KLHL24: variants seen among roughly 807,000 people sequenced by gnomAD.
KLHL24 encodes the protein kelch-like protein 24.
In KLHL24, 29 loss-of-function variants were observed where a neutral mutation model predicts 53.4. The observed-to-expected ratio is 0.54, with a 90% CI of 0.40 to 0.74. The LOEUF is 0.74. Among genes scored for constraint, KLHL24 ranks in the 30% least tolerant of loss-of-function variants. KLHL24 has a pLI of 0.00. For missense variants in KLHL24, 504 were observed against 744.0 expected (o/e 0.68, Z 3.75); for synonymous variants, 222 against 253.7 (o/e 0.88, Z 1.19).
At chr3:183,675,025 A>G (rs1165145191) in intron 7 of KLHL24, among the ~76,000 whole-genome samples, 2 of 152,160 alleles carry the variant, frequency 1.3e-5, no homozygotes, top group African/African-American at 4.8e-5. Flanking sequence ...CTCTTATGGC[A>G]ATTGTATATT....
At chr3:183,648,630 T>A (rs1717669517) in intron 2 of KLHL24, among the ~76,000 whole-genome samples, 1 of 152,122 alleles carries the variant, frequency 6.6e-6, no homozygotes, top group African/African-American at 2.4e-5. Context: ...CTTAAACCAA[T>A]TACTAATACA....
In KLHL24 at chr3:183,682,018, C is replaced by A. The variant is rs2108914704; in HGVS notation, c.*2732C>A. On this transcript the variant is annotated 3_prime_UTR_variant, in exon 8 of 8. Transcript: ENST00000242810. ...AGCACATAAAGTAAAAATTAGTTGA[C>A]CATGCTAAATTCAATTCTGGAATTT... The A allele has an allele frequency of 6.6e-6, 1 of 152,482 alleles. No homozygotes were observed. The highest frequency in any genetic ancestry group is 2.1e-4 in the South Asian group (1 of 4,826). 9.4% of individuals were successfully genotyped at this position (152,482 alleles called of 1,614,324 possible).
In KLHL24 at chr3:183,664,903, A is replaced by G. The variant is rs747903496; in HGVS notation, c.1106-18A>G. On this transcript the variant is annotated intron_variant, in intron 4 of 7. Coordinates refer to ENST00000242810, the MANE Select transcript of KLHL24 (RefSeq NM_017644.3). The stretch of plus-strand genomic sequence containing the variant: ...TATCATGATAAATTATCGTGTGTGC[A>G]TTGTTTTGCATTTCAAGGTGGAAGA... The G allele has an allele frequency of 7.0e-6, 10 of 1,435,270 alleles. No homozygotes were observed. Among genetic ancestry groups the G allele is most frequent in the Middle Eastern group, 1.7e-4 (1 of 5,726 alleles). The allele number at this position is 1,435,270 out of a possible 1,614,324, so 88.9% of individuals were successfully genotyped here. A position where few individuals can be genotyped will look rare whatever the true frequency, so the allele number is the denominator to read the frequency against.
chr3:183,661,355 A>T (rs1470053952), intron 3 of KLHL24, among the ~76,000 whole-genome samples: 8 of 152,140 alleles, frequency 5.3e-5, no homozygotes, highest in Non-Finnish European at 7.4e-5. Flanking sequence ...CTTTCCTGCC[A>T]TTTTGTTTTA....
At chr3:183,668,240 A>C (rs1362539967) in intron 5 of KLHL24, among the ~76,000 whole-genome samples, 1 of 152,056 alleles carries the variant, frequency 6.6e-6, no homozygotes, top group East Asian at 1.9e-4. Context: ...AGAGGGGCTA[A>C]AATAATCCAG....
In KLHL24 at chr3:183,683,760, G is replaced by C. The variant is rs1364245065; in HGVS notation, c.*4474G>C. 1 of 152,494 alleles carries C rather than the reference G, an allele frequency of 6.6e-6. No individual in the cohort carries two copies. Among genetic ancestry groups the C allele is most frequent in the Non-Finnish European group, 1.5e-5 (1 of 67,986 alleles). 9.4% of individuals were successfully genotyped at this position (152,494 alleles called of 1,614,324 possible). A position where few individuals can be genotyped will look rare whatever the true frequency, so the allele number is the denominator to read the frequency against. On this transcript the variant is annotated 3_prime_UTR_variant, in exon 8 of 8. Transcript: ENST00000242810. The stretch of plus-strand genomic sequence containing the variant: ...TTTCAAAATAACTGCACCTGAATTT[G>C]TTTATGTGCCTTAAGTTCTCTAGTG...
intron 3 of KLHL24, among the ~76,000 whole-genome samples, chr3:183,662,756 C>CA (rs1200199688): frequency 6.6e-6 from 1 of 152,120 alleles, no homozygotes; most frequent in Non-Finnish European, 1.5e-5. Flanking sequence ...TGGGGGGAGC[C>CA]AAACAATTCA....
rs1333843549 is a variant in KLHL24, at chr3:183,635,660, C to G, written c.-258C>G. The G allele has an allele frequency of 6.5e-6, 1 of 152,752 alleles. No individual in the cohort carries two copies. 9.5% of individuals were successfully genotyped at this position (152,752 alleles called of 1,614,324 possible). On this transcript the variant is annotated 5_prime_UTR_variant, in exon 1 of 8. Transcript: ENST00000242810. ...GGCAGAGACTGGTGGCTGGAGGAGA[C>G]GCCGGCGCTGGAGAGTGCGCTGCGC... is the stretch of plus-strand genomic sequence containing the variant.
chr3:183,640,849 C>G (rs1311815712), intron 1 of KLHL24, among the ~76,000 whole-genome samples: 1 of 152,062 alleles, frequency 6.6e-6, no homozygotes, highest in Non-Finnish European at 1.5e-5. Flanking sequence ...ATCCGCCTGC[C>G]TCAGCCTCTC....
At chr3:183,653,786 G>T (rs1718471806) in intron 3 of KLHL24, among the ~76,000 whole-genome samples, 2 of 139,704 alleles carry the variant, frequency 1.4e-5, no homozygotes, top group Admixed American at 7.1e-5. Context: ...GCCTTTGCCT[G>T]GTTTTGCAGA....
At chr3:183,671,366 T>A (rs1353354800) in intron 6 of KLHL24, 144 bp downstream of exon 6, 4 of 598,156 alleles carry the variant, frequency 6.7e-6, no homozygotes, top group Non-Finnish European at 8.4e-6. Flanking sequence ...GAGAAAAACA[T>A]TGAATTCTGG....
At chr3:183,669,706 A>G (rs13084291) in intron 5 of KLHL24, among the ~76,000 whole-genome samples, 50,847 of 152,058 alleles carry the variant, frequency 0.33, 9,365 homozygotes, top group African/African-American at 0.49. Flanking sequence ...TTAGACATTC[A>G]TTGTTGAAAT....
chr3:183,678,485 C>T (rs936364940), intron 7 of KLHL24, among the ~76,000 whole-genome samples: 4 of 152,026 alleles, frequency 2.6e-5, no homozygotes, highest in African/African-American at 9.7e-5. Flanking sequence ...CTACCTCCCA[C>T]ATCTTGGCCC....
intron 5 of KLHL24, among the ~76,000 whole-genome samples, chr3:183,667,595 G>A (rs887381072): frequency 4.0e-5 from 6 of 151,768 alleles, no homozygotes; most frequent in Non-Finnish European, 5.9e-5. Context: ...TCCCATCCCC[G>A]ACCAGTCCCC....
intron 2 of KLHL24, among the ~76,000 whole-genome samples, chr3:183,649,523 TAA>T (rs71750006): frequency 1.2e-4 from 17 of 139,148 alleles, no homozygotes; most frequent in African/African-American, 2.1e-4. Flanking sequence ...GAGAGAGTGC[TAA>T]AAAAAAAAAA....
rs763954056 is a variant in KLHL24 at position 183,650,461 on chromosome 3, A to G, written c.105A>G (p.Thr35=). The G allele has an allele frequency of 6.2e-7, 1 of 1,614,122 alleles. No individual in the cohort carries two copies. Among genetic ancestry groups the G allele is most frequent in the Non-Finnish European group, 8.5e-7 (1 of 1,179,950 alleles). The part of the protein sequence containing the change: ...KVFEMDPKSL[T]GHEFFDFSSG... ...TTGAAATGGACCCCAAATCTCTGAC[A>G]GGTCATGAGTTTTTTGACTTCTCTT... The change falls in exon 3 of 8, where the codon ACA becomes ACG. Residue 35 remains threonine (T), a synonymous_variant. Transcript: ENST00000242810. This position sits in a 1 kb window ranked among gnomAD's most constrained non-coding sequence, Gnocchi z 4.5.
Position 183,663,635 on chromosome 3 carries a change from T to C in KLHL24, c.1098T>C (p.Leu366=). 1 of 1,533,770 alleles carries C rather than the reference T, an allele frequency of 6.5e-7. No individual in the cohort carries two copies. Among genetic ancestry groups the C allele is most frequent in the Non-Finnish European group, 8.8e-7 (1 of 1,135,580 alleles). Residue 366 remains leucine (L), a synonymous_variant, in exon 4 of 8, where the codon CTT becomes CTC. Transcript: ENST00000242810. The surrounding 1 kb of genome is among the most constrained non-coding windows in gnomAD (Gnocchi z 4.9). ...YAVCALRNDI[L]VSGGRINSRD... ...TCTGTGCTCTAAGGAATGACATTCTTGTTTCAGGTAAATATAGAATTATTA... is the reference window on the plus strand; with the variant it reads ...TCTGTGCTCTAAGGAATGACATTCTCGTTTCAGGTAAATATAGAATTATTA...
intron 3 of KLHL24, among the ~76,000 whole-genome samples, chr3:183,662,391 GT>G (rs969307250): frequency 5.4e-5 from 8 of 149,250 alleles, no homozygotes; most frequent in African/African-American, 7.5e-5. Flanking sequence ...CCTGATGTGG[GT>G]TTTTTTTTCC....
chr3:183,641,879 CCT>C (rs1339976166), intron 1 of KLHL24, among the ~76,000 whole-genome samples: 6 of 152,074 alleles, frequency 3.9e-5, no homozygotes, highest in Non-Finnish European at 8.8e-5. Flanking sequence ...GACTTTGTAC[CCT>C]CTCTCTTCCA....
Sources: gnomAD v4.1 joint callset for allele counts (sites outside exome capture counted in the v4.1 genomes callset) on GRCh38, gnomAD v4.1.1 for gene constraint, Gnocchi (gnomAD v3.1) non-coding constraint, MANE v1.5 for transcripts, NCBI Gene and HGNC (gene_info 2026-07-23, HGNC 2026-07-21) for gene names.